The following EPHA5 variants were observed in gnomAD, a reference collection of about 807,000 sequenced individuals.
EPHA5 encodes ephrin type-A receptor 5.
In EPHA5, 60 loss-of-function variants were observed where a neutral mutation model predicts 105.0. That is an observed-to-expected ratio of 0.57 (90% CI 0.46 to 0.71). The LOEUF (loss-of-function observed/expected upper bound fraction) is 0.71. Ranked by LOEUF, EPHA5 falls within the 30% of genes least tolerant of loss-of-function variation. The pLI is 0.00. For synonymous variants in EPHA5, 513 were observed against 449.1 expected (o/e 1.14, Z -1.80); for missense variants, 1,218 against 1,274.7 (o/e 0.96, Z 0.68).
chr4:65,348,817 T>TATA (rs1560438518), intron 13 of EPHA5, among the ~76,000 whole-genome samples: 7 of 83,300 alleles, frequency 8.4e-5, no homozygotes, highest in African/African-American at 1.8e-4. Flanking sequence ...ATATATATAT[T>TATA]TTTTTTTTTT....
intron 5 of EPHA5, among the ~76,000 whole-genome samples, chr4:65,435,920 T>C (rs1725434164): frequency 6.6e-6 from 1 of 152,116 alleles, no homozygotes; most frequent in Admixed American, 6.6e-5. Flanking sequence ...GTAACTATTC[T>C]ATAAAATTTA....
chr4:65,465,574 AAAGGAAG>A (rs1374848328), intron 5 of EPHA5, among the ~76,000 whole-genome samples: 3,682 of 147,918 alleles, frequency 0.025, 291 homozygotes, highest in African/African-American at 0.09. Context: ...GAAAGGAAGG[AAAGGAAG>A]GAAAGGAAAG....
Position 65,669,576 on chromosome 4 carries a change from C to A in EPHA5, c.167G>T (p.Ser56Ile). The A allele has an allele frequency of 7.1e-7, 1 of 1,409,458 alleles. No homozygotes were observed. Among genetic ancestry groups the A allele is most frequent in the Non-Finnish European group, 9.3e-7 (1 of 1,076,214 alleles). 87.3% of individuals were successfully genotyped at this position (1,409,458 alleles called of 1,614,324 possible). Residue 56 changes from serine to isoleucine, a missense_variant, in exon 1 of 17, where the codon AGC becomes ATC. By Grantham distance (142) the Ser-to-Ile change is moderately radical. Around this residue, in one of 3 missense-constraint regions of EPHA5, gnomAD observed 233 missense variants for 227.5 expected, o/e 1.02. Transcript: ENST00000613740. Reference sequence around the variant, plus strand: ...CATCTCCCTACCTTCGTTGCTGGGGCTGGCCAGGAGGGTCCGGAGTGCGGC... The same window carrying A: ...CATCTCCCTACCTTCGTTGCTGGGGATGGCCAGGAGGGTCCGGAGTGCGGC... ...LCAALRTLLA[S>I]PSNEVNLLDS...
intron 3 of EPHA5, among the ~76,000 whole-genome samples, chr4:65,510,826 T>A (rs998677435): frequency 6.6e-6 from 1 of 152,212 alleles, no homozygotes; most frequent in African/African-American, 2.4e-5. Context: ...GCTAGACTTG[T>A]ATATGATGCT....
chr4:65,517,563 G>C (rs563561579), intron 3 of EPHA5, among the ~76,000 whole-genome samples: 1 of 151,636 alleles, frequency 6.6e-6, no homozygotes, highest in South Asian at 2.1e-4. Flanking sequence ...CTATTATATT[G>C]TCTGTTTTTT....
intron 2 of EPHA5, among the ~76,000 whole-genome samples, chr4:65,619,634 A>T (rs1745539086): frequency 6.6e-6 from 1 of 152,070 alleles, no homozygotes; most frequent in African/African-American, 2.4e-5. Flanking sequence ...ATCTTAACTC[A>T]TTTTCTTCTT....
rs143502543 is a variant in EPHA5 at position 65,430,143 on chromosome 4, T to C, written c.1403-9578A>G. ...ATATTCTTCAGTTGTGGGAAATATC[T>C]GCTGCTCAAGTCACATGTAAGGCCA... On this transcript the variant is annotated intron_variant, in intron 5 of 16. Coordinates refer to ENST00000613740, the MANE Select transcript of EPHA5 (RefSeq NM_001281766.3). Among the ~76,000 whole-genome samples the C allele has an allele frequency of 9.6e-4, 146 of 152,180 alleles. 1 individual carries two copies. The highest frequency in any genetic ancestry group is 3.3e-3 in the African/African-American group (136 of 41,556).
intron 3 of EPHA5, among the ~76,000 whole-genome samples, chr4:65,581,492 T>C (rs891803789): frequency 4.6e-5 from 7 of 151,800 alleles, no homozygotes; most frequent in African/African-American, 7.2e-5. Context: ...AATTGGTCTA[T>C]TTCTGGCAGA....
chr4:65,489,261 C>G (rs10021690), intron 5 of EPHA5, among the ~76,000 whole-genome samples: 54,460 of 151,892 alleles, frequency 0.36, 10,165 homozygotes, highest in East Asian at 0.53. Flanking sequence ...TCCAACAATT[C>G]AAATTAATTA....
At chr4:65,494,700 T>C (rs1375814902) in intron 4 of EPHA5, among the ~76,000 whole-genome samples, 1 of 152,162 alleles carries the variant, frequency 6.6e-6, no homozygotes, top group African/African-American at 2.4e-5. Context: ...AGCAAATATA[T>C]TAAATAATAG....
chr4:65,452,427 G>A (rs918819135), intron 5 of EPHA5, among the ~76,000 whole-genome samples: 2 of 152,032 alleles, frequency 1.3e-5, no homozygotes, highest in African/African-American at 4.8e-5. Context: ...GCTGAGATAT[G>A]TTAGAAAACT....
chr4:65,508,571 C>T (rs777523397), intron 3 of EPHA5, among the ~76,000 whole-genome samples: 2 of 152,014 alleles, frequency 1.3e-5, no homozygotes, highest in Non-Finnish European at 2.9e-5. Context: ...TAACTATGTG[C>T]TATTTTGGAA....
intron 2 of EPHA5, among the ~76,000 whole-genome samples, chr4:65,611,822 C>A (rs1030578119): frequency 8.6e-5 from 13 of 151,644 alleles, no homozygotes; most frequent in African/African-American, 3.1e-4. Context: ...TGTTAGCTTT[C>A]TCAAATGTAA....
At position 65,322,296 on chromosome 4, in the gene EPHA5, T is replaced by C; in HGVS notation, c.*1818A>G. 1 of 224,086 alleles carries C rather than the reference T, an allele frequency of 4.5e-6. No individual in the cohort carries two copies. Among genetic ancestry groups the C allele is most frequent in the Admixed American group, 5.7e-5 (1 of 17,422 alleles). 13.9% of individuals were successfully genotyped at this position (224,086 alleles called of 1,614,324 possible). A position where few individuals can be genotyped will look rare whatever the true frequency, so the allele number is the denominator to read the frequency against. On this transcript the variant is annotated 3_prime_UTR_variant, in exon 17 of 17. Coordinates refer to ENST00000613740, the MANE Select transcript of EPHA5 (RefSeq NM_001281766.3). ...AGTAAAGGGTGGGCAGAATAGGAAG[T>C]AGTTATTTCCCAAAAGTTTATTCTT...
At chr4:65,553,796 G>T (rs1012700000) in intron 3 of EPHA5, among the ~76,000 whole-genome samples, 2 of 151,920 alleles carry the variant, frequency 1.3e-5, no homozygotes, top group African/African-American at 4.8e-5. Context: ...AATTATATAT[G>T]GAGAGAGTCA....
intron 3 of EPHA5, among the ~76,000 whole-genome samples, chr4:65,567,343 A>G (rs1739655419): frequency 6.6e-6 from 1 of 151,646 alleles, no homozygotes; most frequent in Non-Finnish European, 1.5e-5. Context: ...CTTGGTCTTG[A>G]AATGCTTATA....
chr4:65,420,239 G>A (rs1472455418), intron 6 of EPHA5, among the ~76,000 whole-genome samples: 2 of 152,082 alleles, frequency 1.3e-5, no homozygotes, highest in African/African-American at 2.4e-5. Context: ...CTATATCTAA[G>A]CAGTGTAAAC....
intron 5 of EPHA5, among the ~76,000 whole-genome samples, chr4:65,486,727 A>G (rs1730917473): frequency 6.6e-6 from 1 of 152,244 alleles, no homozygotes; most frequent in Admixed American, 6.5e-5. Flanking sequence ...GTACTTAAAA[A>G]GTGTTTTGCC....
At chr4:65,477,743 A>G (rs1435296105) in intron 5 of EPHA5, among the ~76,000 whole-genome samples, 1 of 152,072 alleles carries the variant, frequency 6.6e-6, no homozygotes, top group Admixed American at 6.6e-5. Flanking sequence ...CAGTTCCTTC[A>G]TCCCAAAAAT....
Sources: gnomAD v4.1 joint callset for allele counts (sites outside exome capture counted in the v4.1 genomes callset) on GRCh38, gnomAD v4.1.1 for gene constraint, gnomAD v4.1.1 regional missense constraint, MANE v1.5 for transcripts, NCBI Gene and HGNC (gene_info 2026-07-23, HGNC 2026-07-21) for gene names.